The following DAND5 variants were observed in gnomAD, a reference collection of about 807,000 sequenced individuals.
The protein encoded by DAND5 is DAN domain BMP antagonist family member 5, also known as DAN domain family member 5.
A neutral mutation model predicts 9.2 loss-of-function variants in DAND5; 8 were observed. That is an observed-to-expected ratio of 0.87 (90% CI 0.51 to 1.56). The LOEUF is 1.56. Among genes scored for constraint, DAND5 ranks in the 40% most tolerant of loss-of-function variants. The probability of loss-of-function intolerance (pLI) is 0.00; values close to 1 mark genes in which losing one functional copy is unlikely to be tolerated. For missense variants in DAND5, 244 were observed against 244.7 expected, an observed-to-expected ratio of 1.00 and a Z score of 0.02; for synonymous variants, 95 against 101.1, an observed-to-expected ratio of 0.94 and a Z score of 0.36.
chr19:12,970,883 G>A (rs141310708), intron 1 of DAND5, among the ~76,000 whole-genome samples: 24 of 152,310 alleles, frequency 1.6e-4, no homozygotes, highest in African/African-American at 4.8e-4. Flanking sequence ...GTTTGGCCAT[G>A]TTGGCCAGGC....
At chr19:12,972,281 G>A (rs964560807) in intron 1 of DAND5, among the ~76,000 whole-genome samples, 1 of 151,870 alleles carries the variant, frequency 6.6e-6, no homozygotes, top group African/African-American at 2.4e-5. Context: ...GGATGGTCTC[G>A]ATCTCCTGAC....
Position 12,973,826 on chromosome 19 carries a change from C to A in DAND5, c.*192C>A. ...ACACAGTGCCCGTCCTGGAGTTGCA[C>A]CACTGATAGTCACAGCACACAATGA... is the stretch of plus-strand genomic sequence containing the variant. On this transcript the variant is annotated 3_prime_UTR_variant, in exon 2 of 2. Coordinates refer to ENST00000317060, the MANE Select transcript of DAND5 (RefSeq NM_152654.3). The A allele has an allele frequency of 1.4e-6, 1 of 720,716 alleles. No individual in the cohort carries two copies. The highest frequency in any genetic ancestry group is 2.2e-6 in the Non-Finnish European group (1 of 452,408). The allele number at this position is 720,716 out of a possible 1,614,324, so 44.6% of individuals were successfully genotyped here. A position where few individuals can be genotyped will look rare whatever the true frequency, so the allele number is the denominator to read the frequency against.
intron 1 of DAND5, 45 bp from the exon 2 acceptor site, chr19:12,973,344 C>A: frequency 6.3e-7 from 1 of 1,595,760 alleles, no homozygotes; most frequent in South Asian, 1.1e-5. Context: ...GCCACTCTGG[C>A]CCCAAACTCC....
chr19:12,970,326 T>A, intron 1 of DAND5: 1 of 623,432 alleles, frequency 1.6e-6, no homozygotes, highest in Non-Finnish European at 2.9e-6. Context: ...AGCCCACAAA[T>A]TTCTGTACTC....
Position 12,969,799 on chromosome 19 carries a change from G to T in DAND5, c.139G>T (p.Ala47Ser). ...ANQTWALGPG[A>S]LPPLVPASAL... is the part of the protein sequence containing the mutation. Reference sequence around the variant, plus strand: ...TCAGACCTGGGCTCTGGGCCCAGGGGCCCTGCCCCCACTGGTGCCAGCTTC... The same window carrying T: ...TCAGACCTGGGCTCTGGGCCCAGGGTCCCTGCCCCCACTGGTGCCAGCTTC... Residue 47 changes from alanine to serine, a missense_variant, in exon 1 of 2, where the codon GCC (alanine) becomes TCC (serine). By Grantham distance (99) the Ala-to-Ser change is moderately conservative. Coordinates refer to ENST00000317060, the MANE Select transcript of DAND5 (RefSeq NM_152654.3). 1 of 1,599,746 alleles carries T rather than the reference G, an allele frequency of 6.3e-7. No individual in the cohort carries two copies. Among genetic ancestry groups the T allele is most frequent in the Non-Finnish European group, 8.5e-7 (1 of 1,173,432 alleles).
At chr19:12,973,131 G>A (rs61309138) in intron 1 of DAND5, among the ~76,000 whole-genome samples, 3 of 152,220 alleles carry the variant, frequency 2.0e-5, no homozygotes, top group South Asian at 2.1e-4. Flanking sequence ...CAAAGTGCTG[G>A]GATTACAGGC....
intron 1 of DAND5, among the ~76,000 whole-genome samples, chr19:12,972,044 T>G (rs2011147784): frequency 6.7e-6 from 1 of 149,980 alleles, no homozygotes; most frequent in South Asian, 2.1e-4. Context: ...ACGCACAGCA[T>G]TAGCCCAGCT....
chr19:12,970,188 C>T (rs2011139376), intron 1 of DAND5, among the ~76,000 whole-genome samples: 1 of 151,852 alleles, frequency 6.6e-6, no homozygotes, highest in Non-Finnish European at 1.5e-5. Context: ...TCTCCACCCC[C>T]CAGTCTATTT....
chr19:12,970,401 C>T (rs2011140214), intron 1 of DAND5: 2 of 695,140 alleles, frequency 2.9e-6, no homozygotes, highest in African/African-American at 1.8e-5. Context: ...TTTGCTTCTA[C>T]ACATCAGCCT....
In DAND5 at chr19:12,969,590, AG is replaced by A; in HGVS notation, c.-68del. 1 of 1,498,438 alleles carries A rather than the reference AG, an allele frequency of 6.7e-7. No homozygotes were observed. Among genetic ancestry groups the A allele is most frequent in the Non-Finnish European group, 9.0e-7 (1 of 1,115,948 alleles). The allele number at this position is 1,498,438 out of a possible 1,614,324, so 92.8% of individuals were successfully genotyped here. The stretch of plus-strand genomic sequence containing the variant: ...GCTCAGATGCCACTCACCAGACAGC[AG>A]GGTCGACTGCTAGTGACCTTGAGCC... On this transcript the variant is annotated 5_prime_UTR_variant, in exon 1 of 2. Transcript: ENST00000317060.
intron 1 of DAND5, 99 bp from the exon 2 acceptor site, chr19:12,973,290 C>G: frequency 6.6e-7 from 1 of 1,515,756 alleles, no homozygotes. Context: ...CTGCAGCATC[C>G]ATGCCTGTCA....
chr19:12,973,384 C>A lies in DAND5; in HGVS notation c.325-5C>A. ...CCCTGACCGTCTCCATGCCTCCGGC[C>A]CCAGGTGTTCTCCCGGCCCGGCTGC... On this transcript the variant is annotated splice_polypyrimidine_tract_variant and splice_region_variant and intron_variant, in intron 1 of 1. Coordinates refer to ENST00000317060, the MANE Select transcript of DAND5 (RefSeq NM_152654.3). The A allele has an allele frequency of 6.2e-7, 1 of 1,613,698 alleles. No homozygotes were observed. The highest frequency in any genetic ancestry group is 8.5e-7 in the Non-Finnish European group (1 of 1,179,862).
chr19:12,971,766 T>G (rs1278592399), intron 1 of DAND5, among the ~76,000 whole-genome samples: 1 of 151,560 alleles, frequency 6.6e-6, no homozygotes, highest in Non-Finnish European at 1.5e-5. Flanking sequence ...AATTTCTGTA[T>G]TTTTAGTAGA....
intron 1 of DAND5, 38 bp downstream of exon 1, chr19:12,970,022 C>T (rs1411269646): frequency 1.9e-6 from 3 of 1,606,792 alleles, no homozygotes; most frequent in African/African-American, 1.3e-5. Flanking sequence ...GGCTGGGTCT[C>T]ACCATTGGCA....
chr19:12,972,151 T>C (rs1332239410), intron 1 of DAND5, among the ~76,000 whole-genome samples: 2 of 149,054 alleles, frequency 1.3e-5, no homozygotes, highest in Non-Finnish European at 1.5e-5. Context: ...CTCCGCCTCC[T>C]GGGTTCACGC....
rs371031823 is a variant in DAND5 at position 12,973,525 on chromosome 19, G to T, written c.461G>T (p.Arg154Leu). The change falls in exon 2 of 2, where the codon CGT (arginine) becomes CTT (leucine). Residue 154 changes from arginine to leucine, a missense_variant. By Grantham distance (102) the Arg-to-Leu change is moderately radical. Coordinates refer to ENST00000317060, the MANE Select transcript of DAND5 (RefSeq NM_152654.3). Reference sequence around the variant, plus strand: ...AACAGCTGTATGCCTGCTCGCAAGCGTTGGGCACCCGTGGTCCTGTGGTGT... The same window carrying T: ...AACAGCTGTATGCCTGCTCGCAAGCTTTGGGCACCCGTGGTCCTGTGGTGT... ...LCNSCMPARK[R>L]WAPVVLWCLT... is the part of the protein sequence containing the mutation. 1 of 1,614,062 alleles carries T rather than the reference G, an allele frequency of 6.2e-7. No individual in the cohort carries two copies. Among genetic ancestry groups the T allele is most frequent in the Admixed American group, 1.7e-5 (1 of 59,978 alleles).
At position 12,974,090 on chromosome 19, in the gene DAND5, C is replaced by G. The variant is rs541531111; in HGVS notation, c.*456C>G. On this transcript the variant is annotated 3_prime_UTR_variant, in exon 2 of 2. Coordinates refer to ENST00000317060, the MANE Select transcript of DAND5 (RefSeq NM_152654.3). ...TGTTAGCCAGGATGGTCTCTATCTC[C>G]TGACCTCGTGATCTGCCTGCCTTGG... is the stretch of plus-strand genomic sequence containing the variant. 3.7e-5 allele frequency: 6 copies of G among 163,098 alleles called. No homozygotes were observed. Among genetic ancestry groups the G allele is most frequent in the Admixed American group, 3.4e-4 (6 of 17,458 alleles). The allele number at this position is 163,098 out of a possible 1,614,324, so 10.1% of individuals were successfully genotyped here. A position where few individuals can be genotyped will look rare whatever the true frequency, so the allele number is the denominator to read the frequency against.
chr19:12,972,122 G>C (rs548742880), intron 1 of DAND5, among the ~76,000 whole-genome samples: 130 of 148,198 alleles, frequency 8.8e-4, no homozygotes, highest in Non-Finnish European at 1.6e-3. Flanking sequence ...GCGGTGGTGG[G>C]ATCTCGGCTC....
chr19:12,973,355 G>A (rs748590402), intron 1 of DAND5, 34 bp from the exon 2 acceptor site: 39 of 1,605,346 alleles, frequency 2.4e-5, no homozygotes, highest in South Asian at 5.6e-5. Flanking sequence ...CCCAAACTCC[G>A]CCACCCTGAC....
Sources: allele counts gnomAD v4.1 joint callset (sites outside exome capture counted in the v4.1 genomes callset), GRCh38; gene constraint gnomAD v4.1.1; transcripts MANE v1.5; gene names NCBI Gene and HGNC (gene_info 2026-07-23, HGNC 2026-07-21).